Variants in HIP1 observed in about 807,000 individuals in gnomAD.
HIP1 encodes the protein huntingtin interacting protein 1.
In HIP1, 65 loss-of-function variants were observed where a neutral mutation model predicts 147.6. That is an observed-to-expected ratio of 0.44 (90% CI 0.36 to 0.54). HIP1 has a LOEUF of 0.54. Ranked by LOEUF, HIP1 falls within the 20% of genes least tolerant of loss-of-function variation. The pLI is 0.00. For synonymous variants in HIP1, 479 were observed against 504.0 expected (o/e 0.95, Z 0.67); for missense variants, 1,061 against 1,299.6 (o/e 0.82, Z 2.82).
Position 75,592,501 on chromosome 7 carries a change from G to A in HIP1, c.198C>T (p.Gly66=). Residue 66 remains glycine, a synonymous_variant, in exon 3 of 31, where the codon GGC becomes GGT. Coordinates refer to ENST00000336926, the MANE Select transcript of HIP1 (RefSeq NM_005338.7). ...TCTGTGCCCCTTTCTCATGGTGGGT[G>A]CCCAGTATGCACGGTGAGGGGGGGT... ...KEKHARTCIL[G]THHEKGAQTF... The A allele has an allele frequency of 1.2e-6, 2 of 1,610,928 alleles. No individual in the cohort carries two copies. Among genetic ancestry groups the A allele is most frequent in the Non-Finnish European group, 1.7e-6 (2 of 1,179,362 alleles).
intron 1 of HIP1, among the ~76,000 whole-genome samples, chr7:75,674,103 T>C (rs2705820): frequency 0.57 from 86,046 of 152,096 alleles, 24,841 homozygotes; most frequent in African/African-American, 0.66. Context: ...ATGTTTTCTA[T>C]ACATATGAGA....
intron 1 of HIP1, among the ~76,000 whole-genome samples, chr7:75,600,686 A>T (rs1324944463): frequency 1.3e-5 from 2 of 152,118 alleles, no homozygotes; most frequent in African/African-American, 4.8e-5. Flanking sequence ...ACTTCTCTAC[A>T]TCTTGGTTTT....
chr7:75,549,541 T>A (rs1402523823), intron 22 of HIP1, among the ~76,000 whole-genome samples: 2 of 151,814 alleles, frequency 1.3e-5, no homozygotes. Context: ...CAGCTAATTT[T>A]TATATTTTTA....
chr7:75,581,990 A>G (rs1424546702), intron 6 of HIP1, 85 bp downstream of exon 6: 2 of 1,137,510 alleles, frequency 1.8e-6, no homozygotes, highest in African/African-American at 3.0e-5. Flanking sequence ...GCCTCCCCCC[A>G]TCAGGCCCTC....
At chr7:75,690,505 T>C (rs1800411961) in intron 1 of HIP1, among the ~76,000 whole-genome samples, 1 of 152,182 alleles carries the variant, frequency 6.6e-6, no homozygotes, top group South Asian at 2.1e-4. Context: ...GGAACCCTTG[T>C]ACACTGCTGG....
At chr7:75,579,292 C>T (rs984680167) in intron 7 of HIP1, among the ~76,000 whole-genome samples, 25 of 152,086 alleles carry the variant, frequency 1.6e-4, no homozygotes, top group African/African-American at 3.4e-4. Context: ...TCGCACAAAC[C>T]GCAGTTTCCA....
chr7:75,656,431 T>TAG (rs1554512649), intron 1 of HIP1, among the ~76,000 whole-genome samples: 4 of 90,884 alleles, frequency 4.4e-5, no homozygotes, highest in African/African-American at 1.8e-4. Flanking sequence ...ACTATAAACT[T>TAG]AGAAAAAAAA....
intron 1 of HIP1, among the ~76,000 whole-genome samples, chr7:75,672,074 T>C (rs1799744317): frequency 6.6e-6 from 1 of 152,186 alleles, no homozygotes; most frequent in Admixed American, 6.6e-5. Context: ...CTAACAGATG[T>C]GAGGTGTTAT....
At chr7:75,666,881 G>A (rs75058143) in intron 1 of HIP1, among the ~76,000 whole-genome samples, 3,321 of 152,236 alleles carry the variant, frequency 0.022, 86 homozygotes, top group East Asian at 0.14. Flanking sequence ...AACCTTCACC[G>A]TTATGCGACG....
intron 1 of HIP1, among the ~76,000 whole-genome samples, chr7:75,683,484 G>A (rs1035420288): frequency 1.3e-5 from 2 of 151,426 alleles, no homozygotes; most frequent in Admixed American, 1.3e-4. Flanking sequence ...GTATGTGGAC[G>A]TGTGTGTGTG....
intron 1 of HIP1, among the ~76,000 whole-genome samples, chr7:75,709,248 G>T (rs535716577): frequency 6.6e-6 from 1 of 151,732 alleles, no homozygotes; most frequent in African/African-American, 2.4e-5. Context: ...CAGTAGCTGG[G>T]ATTACAGGTG....
intron 1 of HIP1, among the ~76,000 whole-genome samples, chr7:75,655,847 C>T (rs1240447708): frequency 1.3e-5 from 2 of 152,052 alleles, no homozygotes; most frequent in Non-Finnish European, 2.9e-5. Flanking sequence ...AGGTTGGGTG[C>T]AGTGGCTCAC....
In HIP1 at chr7:75,672,857, G is replaced by C. The variant is rs559405920; in HGVS notation, c.120+65944C>G. Among the ~76,000 whole-genome samples, 15 of 152,218 alleles carry C rather than the reference G, an allele frequency of 9.9e-5. 1 individual carries two copies. The South Asian group carries it at 3.1e-3, about 32-fold the overall frequency. On this transcript the variant is annotated intron_variant, in intron 1 of 30. Coordinates refer to ENST00000336926, the MANE Select transcript of HIP1 (RefSeq NM_005338.7). ...TGGAGTTAATTTTTGTGTATAGCGT[G>C]AAGAGTCTTGTCATCCTTGTTGACT...
intron 1 of HIP1, among the ~76,000 whole-genome samples, chr7:75,607,228 G>GTTTTTTTTTT: frequency 7.2e-6 from 1 of 139,460 alleles, no homozygotes; most frequent in South Asian, 2.3e-4. Flanking sequence ...GTTGTTTTTT[G>GTTTTTTTTTT]TTTTGTTTTT....
chr7:75,710,068 C>T (rs1294192720), intron 1 of HIP1, among the ~76,000 whole-genome samples: 3 of 151,804 alleles, frequency 2.0e-5, no homozygotes, highest in African/African-American at 7.3e-5. Context: ...TTATTTTTAT[C>T]TTTATTTTTT....
chr7:75,627,112 G>A (rs1440722331), intron 1 of HIP1: 6 of 152,206 alleles, frequency 3.9e-5, no homozygotes, highest in African/African-American at 1.4e-4. Context: ...TCAGTGTGCA[G>A]GAGCCCCAGC....
intron 21 of HIP1, among the ~76,000 whole-genome samples, 158 bp from the exon 22 acceptor site, chr7:75,553,747 G>A (rs188811035): frequency 7.1e-4 from 108 of 152,218 alleles, no homozygotes; most frequent in African/African-American, 2.6e-3. Flanking sequence ...CTGGGATTAC[G>A]GGTGCGCCAC....
chr7:75,670,508 T>A (rs898537089), intron 1 of HIP1, among the ~76,000 whole-genome samples: 10 of 152,058 alleles, frequency 6.6e-5, no homozygotes, highest in African/African-American at 2.4e-4. Flanking sequence ...ACTAAATATA[T>A]CCATAATTTG....
At chr7:75,640,052 G>T (rs1267424438) in intron 1 of HIP1, among the ~76,000 whole-genome samples, 1 of 152,170 alleles carries the variant, frequency 6.6e-6, no homozygotes, top group Non-Finnish European at 1.5e-5. Flanking sequence ...CTTATTCGAT[G>T]CCGAAATGCA....
Sources: allele counts gnomAD v4.1 joint callset (sites outside exome capture counted in the v4.1 genomes callset), GRCh38; gene constraint gnomAD v4.1.1; transcripts MANE v1.5; gene names NCBI Gene and HGNC (gene_info 2026-07-23, HGNC 2026-07-21).